Variants in GLCE observed in about 807,000 individuals in gnomAD.
GLCE encodes the protein glucuronic acid epimerase, also known as D-glucuronyl C5-epimerase.
A neutral mutation model predicts 47.9 loss-of-function variants in GLCE; 19 were observed. The observed-to-expected ratio is 0.40, with a 90% CI of 0.28 to 0.58. GLCE has a LOEUF of 0.58. Ranked by LOEUF, GLCE falls within the 20% of genes least tolerant of loss-of-function variation. GLCE has a pLI of 0.48. For missense variants in GLCE, 556 were observed against 743.3 expected (o/e 0.75, Z 2.93); for synonymous variants, 245 against 263.4 (o/e 0.93, Z 0.68).
At chr15:69,170,061 C>T (rs997743520) in intron 1 of GLCE, among the ~76,000 whole-genome samples, 2 of 152,060 alleles carry the variant, frequency 1.3e-5, no homozygotes, top group African/African-American at 2.4e-5. Flanking sequence ...GGAATAAAAA[C>T]ATTAAGTCAA....
chr15:69,256,427 G>A lies in GLCE; in HGVS notation c.586+35G>A, dbSNP rs1171722932. 5 of 1,377,950 alleles carry A rather than the reference G, an allele frequency of 3.6e-6. No individual in the cohort carries two copies. The Admixed American group carries it at 8.7e-5, about 24-fold the overall frequency. 85.4% of individuals were successfully genotyped at this position (1,377,950 alleles called of 1,614,324 possible). A position where few individuals can be genotyped will look rare whatever the true frequency, so the allele number is the denominator to read the frequency against. On this transcript the variant is annotated intron_variant, in intron 3 of 4. Transcript: ENST00000261858. ...TGTCTGCTTCACTTGCATTTTTCAA[G>A]CATGATTGTGTTGAGGAATAAGAAA...
rs191940818 is a variant in GLCE, at chr15:69,220,995, A to G, written c.-14+10589A>G. On this transcript the variant is annotated intron_variant, in intron 2 of 4. Coordinates refer to ENST00000261858, the MANE Select transcript of GLCE (RefSeq NM_015554.3). ...TGCATATGGATATCCAGTTTTCCCA[A>G]CACCATTTGTTGAAAAGACTGTGCT... is the stretch of plus-strand genomic sequence containing the variant. 3.9e-3 allele frequency among the ~76,000 whole-genome samples: 601 copies of G among 152,336 alleles called. 6 individuals are homozygous for G. Among genetic ancestry groups the G allele is most frequent in the Non-Finnish European group, 3.4e-3 (234 of 68,026 alleles).
intron 1 of GLCE, among the ~76,000 whole-genome samples, chr15:69,161,787 C>T (rs1286884903): frequency 1.3e-5 from 2 of 152,142 alleles, no homozygotes; most frequent in Non-Finnish European, 2.9e-5. Flanking sequence ...GCTGGAGCTC[C>T]GGGAGCTAGA....
intron 2 of GLCE, among the ~76,000 whole-genome samples, chr15:69,255,573 C>T (rs900794204): frequency 6.6e-6 from 1 of 152,116 alleles, no homozygotes; most frequent in Non-Finnish European, 1.5e-5. Flanking sequence ...TTGAACATCT[C>T]TGCTTTAGAA....
intron 2 of GLCE, among the ~76,000 whole-genome samples, chr15:69,251,615 G>T (rs2052845583): frequency 6.6e-6 from 1 of 152,036 alleles, no homozygotes; most frequent in Non-Finnish European, 1.5e-5. Context: ...CTGAAATATG[G>T]CTGCTCCTAC....
intron 1 of GLCE, among the ~76,000 whole-genome samples, chr15:69,189,312 C>T (rs1398790050): frequency 6.6e-6 from 1 of 152,140 alleles, no homozygotes; most frequent in East Asian, 1.9e-4. Flanking sequence ...AGATTGGCTT[C>T]TTTCACGTAG....
At chr15:69,168,979 C>G (rs556433056) in intron 1 of GLCE, among the ~76,000 whole-genome samples, 1 of 152,210 alleles carries the variant, frequency 6.6e-6, no homozygotes, top group African/African-American at 2.4e-5. Context: ...ATTTCCAGGA[C>G]CTTGAAAGCT....
At chr15:69,175,755 C>T (rs2051653319) in intron 1 of GLCE, among the ~76,000 whole-genome samples, 3 of 152,194 alleles carry the variant, frequency 2.0e-5, no homozygotes, top group Admixed American at 2.0e-4. Context: ...ATCTGTTTGC[C>T]TTCTTCACTG....
intron 4 of GLCE, among the ~76,000 whole-genome samples, chr15:69,263,005 C>T (rs917400079): frequency 3.3e-5 from 5 of 151,800 alleles, no homozygotes; most frequent in Non-Finnish European, 5.9e-5. Context: ...ACACATAGCC[C>T]GAGGGTAACA....
intron 1 of GLCE, among the ~76,000 whole-genome samples, chr15:69,167,797 T>C (rs1411890856): frequency 6.6e-6 from 1 of 151,608 alleles, no homozygotes; most frequent in Non-Finnish European, 1.5e-5. Flanking sequence ...TGGAATGGTG[T>C]AGAAAGAGAA....
At chr15:69,231,786 T>C (rs1382757747) in intron 2 of GLCE, among the ~76,000 whole-genome samples, 1 of 152,084 alleles carries the variant, frequency 6.6e-6, no homozygotes, top group Non-Finnish European at 1.5e-5. Context: ...ATCTATCTTT[T>C]TTGTTTTGTT....
At chr15:69,248,407 G>A (rs1220917567) in intron 2 of GLCE, among the ~76,000 whole-genome samples, 1 of 152,080 alleles carries the variant, frequency 6.6e-6, no homozygotes, top group Non-Finnish European at 1.5e-5. Context: ...AGTTATGTTC[G>A]TTTTTATTTG....
rs2140447831 is a variant in GLCE, at chr15:69,261,238, G to C, written c.738G>C (p.Lys246Asn). Residue 246 changes from lysine to asparagine, a missense_variant, in exon 4 of 5, where the codon AAG becomes AAC. This residue lies in a region of GLCE where 237 missense variants were observed against 310.9 expected (regional missense o/e 0.76). Transcript: ENST00000261858. ...YETAEDRDKN[K>N]PNDWTVPKGC... Reference sequence around the variant, plus strand: ...CAGCAGAAGACAGAGACAAAAACAAGCCTAATGACTGGACTGTGCCAAAGG... The same window carrying C: ...CAGCAGAAGACAGAGACAAAAACAACCCTAATGACTGGACTGTGCCAAAGG... 6.2e-7 allele frequency: 1 copy of C among 1,614,076 alleles called. No homozygotes were observed. Among genetic ancestry groups the C allele is most frequent in the Non-Finnish European group, 8.5e-7 (1 of 1,179,976 alleles).
At chr15:69,162,609 T>G (rs1481033639) in intron 1 of GLCE, among the ~76,000 whole-genome samples, 2 of 152,202 alleles carry the variant, frequency 1.3e-5, no homozygotes, top group Non-Finnish European at 2.9e-5. Flanking sequence ...CAGGCTAGGT[T>G]GTAGCATCGC....
chr15:69,233,519 G>GTTCCCCC (rs1330364966), intron 2 of GLCE, among the ~76,000 whole-genome samples: 1 of 152,140 alleles, frequency 6.6e-6, no homozygotes, highest in Non-Finnish European at 1.5e-5. Context: ...GTAATGGGGG[G>GTTCCCCC]AAACATTGAT....
At chr15:69,165,490 C>T (rs562919323) in intron 1 of GLCE, among the ~76,000 whole-genome samples, 1 of 144,806 alleles carries the variant, frequency 6.9e-6, no homozygotes, top group African/African-American at 2.5e-5. Context: ...TAAGATACAA[C>T]GTAAGCACTG....
chr15:69,264,733 A>G (rs1047425609), intron 4 of GLCE, among the ~76,000 whole-genome samples: 2 of 152,172 alleles, frequency 1.3e-5, no homozygotes, highest in Non-Finnish European at 1.5e-5. Flanking sequence ...AGTCATCCCA[A>G]CAGGTGTAAG....
At chr15:69,242,082 A>G (rs925705356) in intron 2 of GLCE, among the ~76,000 whole-genome samples, 2 of 152,196 alleles carry the variant, frequency 1.3e-5, no homozygotes, top group Non-Finnish European at 2.9e-5. Context: ...AAATGAATGT[A>G]AAAGTACTTT....
At position 69,222,523 on chromosome 15, in the gene GLCE, C is replaced by G. The variant is rs543987582; in HGVS notation, c.-14+12117C>G. Among the ~76,000 whole-genome samples, 36 of 152,310 alleles carry G rather than the reference C, an allele frequency of 2.4e-4. 1 individual carries two copies. Among genetic ancestry groups the G allele is most frequent in the Non-Finnish European group, 5.0e-4 (34 of 68,016 alleles). ...TCTGGCAGCTTATACAGGTCAGAGC[C>G]ACCCCTTCCTAAGGAGCTGTTTAGG... is the stretch of plus-strand genomic sequence containing the variant. On this transcript the variant is annotated intron_variant, in intron 2 of 4. Transcript: ENST00000261858.
Sources: gnomAD v4.1 joint callset for allele counts (sites outside exome capture counted in the v4.1 genomes callset) on GRCh38, gnomAD v4.1.1 for gene constraint, gnomAD v4.1.1 regional missense constraint, MANE v1.5 for transcripts, NCBI Gene and HGNC (gene_info 2026-07-23, HGNC 2026-07-21) for gene names.